The following ZNF536 variants were observed in gnomAD, a reference collection of about 807,000 sequenced individuals.
ZNF536 encodes the protein zinc finger protein 536.
In ZNF536, 13 loss-of-function variants were observed where a neutral mutation model predicts 84.5. The ratio of observed to expected loss-of-function variants is 0.15; its 90% CI spans 0.10 to 0.24. ZNF536 has a LOEUF of 0.24. Among genes scored for constraint, ZNF536 ranks in the 10% least tolerant of loss-of-function variants. ZNF536 has a pLI of 1.00. For missense variants in ZNF536, 1,536 were observed against 1,747.5 expected, an observed-to-expected ratio of 0.88 and a Z score of 2.16; for synonymous variants, 811 against 742.5, an observed-to-expected ratio of 1.09 and a Z score of -1.50.
rs1463835176 is a variant in ZNF536 at position 30,445,512 on chromosome 19, C to T, written c.1950C>T (p.Ser650=). ...FRTYHQVVVH[S]RVHKRDRKGE... is the part of the protein sequence containing the mutation. ...CTTACCACCAGGTGGTCGTGCACTC[C>T]CGTGTCCACAAGCGGGACCGCAAGG... The change falls in exon 2 of 5, where the codon TCC becomes TCT. Residue 650 remains serine, a synonymous_variant. Transcript: ENST00000355537. This position sits in a 1 kb window ranked among gnomAD's most constrained non-coding sequence, Gnocchi z 4.5. 8.7e-6 allele frequency: 14 copies of T among 1,613,934 alleles called. No homozygotes were observed. The Admixed American group carries it at 2.3e-4, about 27-fold the overall frequency.
intron 2 of ZNF536, among the ~76,000 whole-genome samples, chr19:30,479,961 G>T (rs1444617976): frequency 6.6e-6 from 1 of 152,256 alleles, no homozygotes; most frequent in Non-Finnish European, 1.5e-5. Context: ...TTCCAAGGGA[G>T]CCCGCGCTGG....
At chr19:30,368,365 A>G (rs1046701640), upstream of ZNF536, among the ~76,000 whole-genome samples, 1 of 152,220 alleles carries the variant, frequency 6.6e-6, no homozygotes, top group Admixed American at 6.5e-5. Flanking sequence ...TAGTTGCCAA[A>G]TGTGAAGTGT....
At chr19:30,569,555 C>A (rs1197636702) in intron 1 of ZNF536, among the ~76,000 whole-genome samples, 1 of 96,808 alleles carries the variant, frequency 1.0e-5, no homozygotes, top group East Asian at 4.4e-4. Context: ...GCCAGATAAA[C>A]GTTCTTTTTT....
chr19:30,422,433 T>C (rs560716946), intron 1 of ZNF536, among the ~76,000 whole-genome samples: 1 of 152,306 alleles, frequency 6.6e-6, no homozygotes, highest in East Asian at 1.9e-4. Context: ...GGTTACTAGA[T>C]GTCAAGTAAT....
intron 1 of ZNF536, among the ~76,000 whole-genome samples, chr19:30,640,714 G>T (rs2049238835): frequency 6.6e-6 from 1 of 152,246 alleles, no homozygotes; most frequent in African/African-American, 2.4e-5. Flanking sequence ...TATATGAAGT[G>T]GTAGCAGTGG....
intron 1 of ZNF536, among the ~76,000 whole-genome samples, chr19:30,425,063 T>G (rs2051152378): frequency 6.6e-6 from 1 of 151,882 alleles, no homozygotes; most frequent in African/African-American, 2.4e-5. Context: ...GGCATAAGAA[T>G]GACACAATGG....
intron 2 of ZNF536, among the ~76,000 whole-genome samples, chr19:30,304,660 G>A (rs2046293434): frequency 6.6e-6 from 1 of 152,184 alleles, no homozygotes; most frequent in South Asian, 2.1e-4. Flanking sequence ...AGGTGACCTG[G>A]TAGGGTCCCT....
At chr19:30,566,929 A>G (rs1241312199) in intron 1 of ZNF536, among the ~76,000 whole-genome samples, 1 of 151,714 alleles carries the variant, frequency 6.6e-6, no homozygotes, top group African/African-American at 2.4e-5. Context: ...CTCTCTGGGC[A>G]GTGGAGGGAT....
chr19:30,606,262 A>AAAAT (rs1568597120), intron 1 of ZNF536, among the ~76,000 whole-genome samples: 14 of 15,052 alleles, frequency 9.3e-4, no homozygotes, highest in Non-Finnish European at 1.4e-3. Flanking sequence ...TAAATAAAAT[A>AAAAT]AAATAAAATA....
chr19:30,440,227 C>T (rs2051972303), intron 1 of ZNF536, among the ~76,000 whole-genome samples: 1 of 152,004 alleles, frequency 6.6e-6, no homozygotes, highest in Non-Finnish European at 1.5e-5. Context: ...TCCCAAAGTG[C>T]TGGGATTACA....
At chr19:30,267,020 G>A (rs2025548958) in intron 1 of ZNF536, among the ~76,000 whole-genome samples, 1 of 152,224 alleles carries the variant, frequency 6.6e-6, no homozygotes, top group South Asian at 2.1e-4. Flanking sequence ...AAGGTGTCAT[G>A]TTTGTTACGA....
intron 2 of ZNF536, among the ~76,000 whole-genome samples, chr19:30,515,472 G>A (rs2055597316): frequency 6.6e-6 from 1 of 152,128 alleles, no homozygotes; most frequent in Non-Finnish European, 1.5e-5. Context: ...TGCATGTGAA[G>A]CGCCTTCAGG....
chr19:30,279,385 G>T (rs913475204), intron 1 of ZNF536, among the ~76,000 whole-genome samples: 1 of 152,032 alleles, frequency 6.6e-6, no homozygotes, highest in African/African-American at 2.4e-5. Context: ...CTGATTCTCC[G>T]AGAGAAAGCT....
At chr19:30,379,571 T>G (rs2048943166) in intron 1 of ZNF536, among the ~76,000 whole-genome samples, 3 of 136,756 alleles carry the variant, frequency 2.2e-5, no homozygotes, top group Non-Finnish European at 1.6e-5. Context: ...GGGTGAAGGG[T>G]GGAGAGGATC....
intron 1 of ZNF536, among the ~76,000 whole-genome samples, chr19:30,269,185 G>A (rs2025682798): frequency 6.6e-6 from 1 of 152,192 alleles, no homozygotes; most frequent in African/African-American, 2.4e-5. Flanking sequence ...GAGTAGCAGT[G>A]GTCCCTGGAA....
upstream of ZNF536, among the ~76,000 whole-genome samples, chr19:30,370,784 G>A (rs1190835334): frequency 3.9e-5 from 6 of 152,150 alleles, no homozygotes; most frequent in East Asian, 7.7e-4. Flanking sequence ...GGATATTAAT[G>A]CCCTCCAATT....
intron 2 of ZNF536, among the ~76,000 whole-genome samples, chr19:30,497,788 GGT>G (rs139282122): frequency 2.2e-4 from 34 of 151,896 alleles, no homozygotes; most frequent in African/African-American, 7.0e-4. Flanking sequence ...GTGAACGTGG[GGT>G]GTGTGTGTGT....
In ZNF536 at chr19:30,497,572, G is replaced by A. The variant is rs905943702; in HGVS notation, c.2171-37275G>A. 3.9e-5 allele frequency among the ~76,000 whole-genome samples: 6 copies of A among 152,298 alleles called. No homozygotes were observed. The South Asian group carries it at 1.2e-3, about 32-fold the overall frequency. On this transcript the variant is annotated intron_variant, in intron 2 of 4. Transcript: ENST00000355537. Reference sequence around the variant, plus strand: ...ACAGAGCCATAAAGATGAAGCATTGGACTCATTGCTGCTCCCACACATGTA... The same window carrying A: ...ACAGAGCCATAAAGATGAAGCATTGAACTCATTGCTGCTCCCACACATGTA...
intron 2 of ZNF536, among the ~76,000 whole-genome samples, chr19:30,313,986 A>G (rs531512892): frequency 6.6e-6 from 1 of 152,200 alleles, no homozygotes; most frequent in Non-Finnish European, 1.5e-5. Context: ...GCTGCCTCCC[A>G]TGGCAACTAC....
Sources: allele counts gnomAD v4.1 joint callset (sites outside exome capture counted in the v4.1 genomes callset), GRCh38; gene constraint gnomAD v4.1.1; non-coding constraint Gnocchi (gnomAD v3.1); transcripts MANE v1.5; gene names NCBI Gene and HGNC (gene_info 2026-07-23, HGNC 2026-07-21).